GLIS3: variants seen among roughly 807,000 people sequenced by gnomAD.
GLIS3 encodes the protein GLIS family zinc finger 3, also known as zinc finger protein GLIS3.
A neutral mutation model predicts 78.6 loss-of-function variants in GLIS3; 53 were observed. That is an observed-to-expected ratio of 0.67 (90% confidence interval 0.54 to 0.85). The LOEUF is 0.85. Among genes scored for constraint, GLIS3 ranks in the 40% least tolerant of loss-of-function variants. The pLI, the probability that GLIS3 is intolerant of heterozygous loss-of-function variation, is 0.00. For missense variants in GLIS3, 1,703 were observed against 1,231.1 expected (o/e 1.38, Z -5.74); for synonymous variants, 684 against 509.9 (o/e 1.34, Z -4.60).
chr9:4,235,448 G>A (rs189735930), intron 2 of GLIS3, among the ~76,000 whole-genome samples: 11 of 152,222 alleles, frequency 7.2e-5, no homozygotes, highest in Admixed American at 3.9e-4. Context: ...AGTTTCTAAC[G>A]ACTTGATCTC....
intron 2 of GLIS3, among the ~76,000 whole-genome samples, chr9:4,268,028 T>A (rs1419832599): frequency 6.6e-6 from 1 of 152,106 alleles, no homozygotes; most frequent in East Asian, 1.9e-4. Context: ...TGTGTATATA[T>A]GTGCATACAC....
At chr9:4,280,816 G>T (rs536395369) in intron 2 of GLIS3, among the ~76,000 whole-genome samples, 63 of 151,864 alleles carry the variant, frequency 4.1e-4, no homozygotes, top group African/African-American at 1.5e-3. Flanking sequence ...CAATCTAGAA[G>T]AAGACTAAAG....
chr9:4,326,239 G>A (rs557914290), intron 2 of GLIS3, among the ~76,000 whole-genome samples: 4 of 152,172 alleles, frequency 2.6e-5, no homozygotes, highest in African/African-American at 9.7e-5. Context: ...GTCTGTTGAA[G>A]AAAAATATAT....
At chr9:3,932,049 T>A (rs1825653263) in intron 6 of GLIS3, among the ~76,000 whole-genome samples, 2 of 152,234 alleles carry the variant, frequency 1.3e-5, no homozygotes, top group South Asian at 4.1e-4. Flanking sequence ...AAAAGCTTTT[T>A]GTTGCTTTCC....
chr9:4,208,719 AACTCTG>A (rs1185219720), intron 2 of GLIS3, among the ~76,000 whole-genome samples: 1 of 152,210 alleles, frequency 6.6e-6, no homozygotes, highest in Non-Finnish European at 1.5e-5. Context: ...TAAAGAGTCT[AACTCTG>A]TGTGACAAAG....
At chr9:4,380,864 T>C in the GLIS3 span, among the ~76,000 whole-genome samples, 1 of 152,194 alleles carries the variant, frequency 6.6e-6, no homozygotes, top group South Asian at 2.1e-4. Flanking sequence ...CCCTGCAATG[T>C]CTTATCTCTC....
chr9:4,144,838 C>T (rs1288404566), intron 2 of GLIS3: 1 of 152,080 alleles, frequency 6.6e-6, no homozygotes, highest in Non-Finnish European at 1.5e-5. Context: ...ACAAAACTTA[C>T]CTGTATTATA....
At chr9:4,325,082 G>C (rs1817581953) in intron 2 of GLIS3, among the ~76,000 whole-genome samples, 1 of 152,108 alleles carries the variant, frequency 6.6e-6, no homozygotes, top group Non-Finnish European at 1.5e-5. Flanking sequence ...AATTTGTCCA[G>C]GCCACACAGC....
At chr9:3,900,601 A>T (rs537599154) in intron 6 of GLIS3, among the ~76,000 whole-genome samples, 2 of 152,306 alleles carry the variant, frequency 1.3e-5, no homozygotes, top group South Asian at 4.1e-4. Context: ...CTAATCAATG[A>T]TTTTACCTCA....
chr9:4,411,535 G>A, the GLIS3 span, among the ~76,000 whole-genome samples: 1 of 152,094 alleles, frequency 6.6e-6, no homozygotes, highest in Non-Finnish European at 1.5e-5. Context: ...TCCCAGTTTG[G>A]GAACCACTAA....
chr9:4,186,744 G>A (rs1186567268), intron 2 of GLIS3, among the ~76,000 whole-genome samples: 4 of 152,050 alleles, frequency 2.6e-5, no homozygotes, highest in Admixed American at 2.6e-4. Flanking sequence ...TTTCTCTGAT[G>A]GCCAGTGATG....
intron 2 of GLIS3, among the ~76,000 whole-genome samples, chr9:4,282,273 T>A (rs1295692044): frequency 1.3e-5 from 2 of 152,210 alleles, no homozygotes; most frequent in Non-Finnish European, 2.9e-5. Flanking sequence ...ATGTGTCAAC[T>A]TGACTGGGCC....
chr9:4,147,084 A>G (rs1338391397), intron 2 of GLIS3, among the ~76,000 whole-genome samples: 2 of 152,136 alleles, frequency 1.3e-5, no homozygotes, highest in African/African-American at 4.8e-5. Flanking sequence ...ACTGCAATTA[A>G]TCTCCTCTGG....
At chr9:4,300,381 T>C (rs1225631255), upstream of GLIS3, among the ~76,000 whole-genome samples, 3 of 150,904 alleles carry the variant, frequency 2.0e-5, no homozygotes, top group Non-Finnish European at 4.4e-5. Flanking sequence ...CAGGATTTGA[T>C]GTCAGGTCAT....
chr9:4,029,361 T>C (rs187753782), intron 4 of GLIS3, among the ~76,000 whole-genome samples: 62 of 151,908 alleles, frequency 4.1e-4, no homozygotes, highest in African/African-American at 1.5e-3. Context: ...ATTTATGGGG[T>C]ACATGAGATG....
intron 6 of GLIS3, among the ~76,000 whole-genome samples, chr9:3,917,049 G>C (rs1824558894): frequency 6.6e-6 from 1 of 152,152 alleles, no homozygotes; most frequent in Non-Finnish European, 1.5e-5. Flanking sequence ...GGAAGATTAA[G>C]GGTCCCTGGG....
intron 4 of GLIS3, among the ~76,000 whole-genome samples, chr9:4,041,831 C>A (rs1029360155): frequency 6.6e-6 from 1 of 152,160 alleles, no homozygotes; most frequent in African/African-American, 2.4e-5. Flanking sequence ...CTAGTCCTTG[C>A]CTTTTTCTGC....
rs56186207 is a variant in GLIS3 at position 4,134,044 on chromosome 9, T to C, written c.389-8103A>G. Among the ~76,000 whole-genome samples the C allele has an allele frequency of 3.2e-4, 49 of 152,272 alleles. 1 individual carries two copies. Among genetic ancestry groups the C allele is most frequent in the Non-Finnish European group, 6.2e-4 (42 of 68,012 alleles). On this transcript the variant is annotated intron_variant, in intron 2 of 10. Coordinates refer to ENST00000381971, the MANE Select transcript of GLIS3 (RefSeq NM_001042413.2). ...AGAACATTTTACTGCAAAACACTAATACAACAGAAAATAAGTAAAATTTCA... is the reference window on the plus strand; with the variant it reads ...AGAACATTTTACTGCAAAACACTAACACAACAGAAAATAAGTAAAATTTCA...
At chr9:4,435,669 G>A in the GLIS3 span, among the ~76,000 whole-genome samples, 1 of 152,200 alleles carries the variant, frequency 6.6e-6, no homozygotes, top group African/African-American at 2.4e-5. Context: ...CTTCCCCTAG[G>A]CCAGGCGCGG....
Sources: gnomAD v4.1 joint callset for allele counts (sites outside exome capture counted in the v4.1 genomes callset) on GRCh38, gnomAD v4.1.1 for gene constraint, MANE v1.5 for transcripts, NCBI Gene and HGNC (gene_info 2026-07-23, HGNC 2026-07-21) for gene names.